NKAIN2: variants seen among roughly 807,000 people sequenced by gnomAD.
The protein encoded by NKAIN2 is sodium/potassium-transporting ATPase subunit beta-1-interacting protein 2.
NKAIN2 carries 14 observed loss-of-function variants against 32.6 expected under a neutral mutation model. The observed-to-expected ratio is 0.43, with a 90% CI of 0.28 to 0.67. NKAIN2 has a LOEUF of 0.67. Among genes scored for constraint, NKAIN2 ranks in the 30% least tolerant of loss-of-function variants. NKAIN2 has a pLI of 0.17. For synonymous variants in NKAIN2, 80 were observed against 87.2 expected (o/e 0.92, Z 0.46); for missense variants, 198 against 258.3 (o/e 0.77, Z 1.60).
At chr6:124,600,792 G>A (rs1407050932) in intron 3 of NKAIN2, among the ~76,000 whole-genome samples, 2 of 151,958 alleles carry the variant, frequency 1.3e-5, no homozygotes, top group South Asian at 2.1e-4. Context: ...AATTGCCTTA[G>A]GGTAGAAGAG....
At position 124,309,344 on chromosome 6, in the gene NKAIN2, G is replaced by A. The variant is rs1052527312; in HGVS notation, c.192+26202G>A. On this transcript the variant is annotated intron_variant, in intron 2 of 6. Coordinates refer to ENST00000368417, the MANE Select transcript of NKAIN2 (RefSeq NM_001040214.3). ...CTATTTGAAGGAAATCACACCAAAAGCATTTTCTAAATTGAAATTTTTGGG... is the reference window on the plus strand; with the variant it reads ...CTATTTGAAGGAAATCACACCAAAAACATTTTCTAAATTGAAATTTTTGGG... 2.0e-5 allele frequency among the ~76,000 whole-genome samples: 3 copies of A among 152,028 alleles called. No homozygotes were observed. In the South Asian group the frequency reaches 6.2e-4, roughly 32 times the overall value.
intron 3 of NKAIN2, among the ~76,000 whole-genome samples, chr6:124,451,062 AC>A (rs1277439338): frequency 2.7e-4 from 41 of 152,112 alleles, no homozygotes; most frequent in Non-Finnish European, 1.3e-4. Context: ...AAATAATGGA[AC>A]CTTTTAGCCC....
At chr6:124,470,654 T>G (rs797008356) in intron 3 of NKAIN2, among the ~76,000 whole-genome samples, 16 of 152,234 alleles carry the variant, frequency 1.1e-4, no homozygotes, top group African/African-American at 3.9e-4. Context: ...ATTAGGGGAA[T>G]TAGGGAGATT....
intron 1 of NKAIN2, among the ~76,000 whole-genome samples, chr6:123,940,976 C>G (rs235680): frequency 0.084 from 12,776 of 151,912 alleles, 1,702 homozygotes; most frequent in African/African-American, 0.28. Flanking sequence ...TTGTACAGCT[C>G]TACGAATTTT....
At chr6:124,608,001 G>A (rs1782559505) in intron 3 of NKAIN2, among the ~76,000 whole-genome samples, 1 of 152,134 alleles carries the variant, frequency 6.6e-6, no homozygotes, top group Non-Finnish European at 1.5e-5. Context: ...TATATCGAAT[G>A]CATTTTCAAC....
At chr6:123,909,624 GC>G (rs1266330072) in intron 1 of NKAIN2, among the ~76,000 whole-genome samples, 1 of 152,094 alleles carries the variant, frequency 6.6e-6, no homozygotes, top group Non-Finnish European at 1.5e-5. Flanking sequence ...GCTTCTCTTG[GC>G]CAGCTCCTTC....
chr6:123,842,378 A>G (rs542849200), intron 1 of NKAIN2, among the ~76,000 whole-genome samples: 1 of 152,154 alleles, frequency 6.6e-6, no homozygotes, highest in Non-Finnish European at 1.5e-5. Flanking sequence ...GGTGGAGTAA[A>G]AGTACTCTCA....
At chr6:123,945,887 T>C (rs750196482) in intron 1 of NKAIN2, among the ~76,000 whole-genome samples, 2 of 152,176 alleles carry the variant, frequency 1.3e-5, no homozygotes, top group Non-Finnish European at 2.9e-5. Context: ...CCACTATGGA[T>C]GACTGAGCCT....
chr6:124,680,871 ATAAAT>A (rs1773585268), intron 4 of NKAIN2, among the ~76,000 whole-genome samples: 1 of 152,000 alleles, frequency 6.6e-6, no homozygotes. Flanking sequence ...TATTCATAAA[ATAAAT>A]GAGAAAGAAA....
At chr6:124,521,467 G>A (rs951676254) in intron 3 of NKAIN2, among the ~76,000 whole-genome samples, 1 of 152,032 alleles carries the variant, frequency 6.6e-6, no homozygotes, top group African/African-American at 2.4e-5. Context: ...AAATGTTCCT[G>A]TGTCATCTAG....
intron 1 of NKAIN2, among the ~76,000 whole-genome samples, chr6:124,005,987 T>G (rs1780059537): frequency 6.6e-6 from 1 of 152,204 alleles, no homozygotes. Context: ...TGTCTCTGAC[T>G]TGCCCTGCTC....
intron 1 of NKAIN2, among the ~76,000 whole-genome samples, chr6:124,212,604 C>T (rs1791246035): frequency 6.6e-6 from 1 of 151,990 alleles, no homozygotes; most frequent in Admixed American, 6.6e-5. Flanking sequence ...ATAGTCATTG[C>T]TATATATTTC....
intron 1 of NKAIN2, among the ~76,000 whole-genome samples, chr6:124,239,916 T>C (rs183800172): frequency 2.3e-3 from 352 of 151,922 alleles, no homozygotes; most frequent in Non-Finnish European, 4.3e-3. Flanking sequence ...GAAAGAGATA[T>C]AGACACGAAA....
At chr6:124,630,205 G>GGGGAATACTGTGATAAAGTTAT (rs1368032832) in intron 3 of NKAIN2, among the ~76,000 whole-genome samples, 3 of 152,062 alleles carry the variant, frequency 2.0e-5, no homozygotes, top group African/African-American at 7.2e-5. Flanking sequence ...TGGGGAGTGA[G>GGGGAATACTGTGATAAAGTTAT]GGGAATACTG....
chr6:124,171,703 G>A (rs1345733665), intron 1 of NKAIN2, among the ~76,000 whole-genome samples: 4 of 151,690 alleles, frequency 2.6e-5, no homozygotes, highest in African/African-American at 9.7e-5. Context: ...GGCACATGCT[G>A]CCACGCCCGG....
At chr6:124,673,470 C>A (rs966585049) in intron 4 of NKAIN2, among the ~76,000 whole-genome samples, 2 of 151,970 alleles carry the variant, frequency 1.3e-5, no homozygotes, top group Admixed American at 6.6e-5. Context: ...TATACTGTTA[C>A]ACCATTTTAC....
chr6:124,362,290 G>T (rs1452978480), intron 3 of NKAIN2, among the ~76,000 whole-genome samples: 1 of 151,934 alleles, frequency 6.6e-6, no homozygotes, highest in Non-Finnish European at 1.5e-5. Context: ...GCCTTATGAT[G>T]CAGGGAAAGA....
chr6:124,558,203 T>G (rs1481370554), intron 3 of NKAIN2, among the ~76,000 whole-genome samples: 1 of 152,224 alleles, frequency 6.6e-6, no homozygotes, highest in Non-Finnish European at 1.5e-5. Flanking sequence ...CTTTTTTTCC[T>G]TGTATCAGGT....
intron 4 of NKAIN2, among the ~76,000 whole-genome samples, chr6:124,691,117 G>T (rs55662631): frequency 0.067 from 10,162 of 152,116 alleles, 515 homozygotes; most frequent in African/African-American, 0.14. Flanking sequence ...CAAATTGTGC[G>T]ATAGAAAACA....
Sources: gnomAD v4.1 joint callset for allele counts (sites outside exome capture counted in the v4.1 genomes callset) on GRCh38, gnomAD v4.1.1 for gene constraint, MANE v1.5 for transcripts, NCBI Gene and HGNC (gene_info 2026-07-23, HGNC 2026-07-21) for gene names.